FCHO2: variants seen among roughly 807,000 people sequenced by gnomAD.
FCHO2 encodes the protein F-BAR domain only protein 2.
FCHO2 carries 43 observed loss-of-function variants against 114.1 expected under a neutral mutation model. The observed-to-expected ratio is 0.38, with a 90% CI of 0.30 to 0.49. The LOEUF (loss-of-function observed/expected upper bound fraction) is 0.49, where lower values mean the gene tolerates loss of function less well. Among genes scored for constraint, FCHO2 ranks in the 20% least tolerant of loss-of-function variants. The probability of loss-of-function intolerance (pLI) is 0.97; values close to 1 mark genes in which losing one functional copy is unlikely to be tolerated. For missense variants in FCHO2, 807 were observed against 950.4 expected, an observed-to-expected ratio of 0.85 and a Z score of 1.98; for synonymous variants, 293 against 315.2, an observed-to-expected ratio of 0.93 and a Z score of 0.75.
intron 6 of FCHO2, among the ~76,000 whole-genome samples, 161 bp downstream of exon 6, chr5:73,006,710 T>G (rs1754738772): frequency 1.3e-5 from 2 of 152,292 alleles, no homozygotes; most frequent in Admixed American, 1.3e-4. Flanking sequence ...TTTTGGAGAT[T>G]GAGGACCAAG....
At chr5:73,037,905 C>T in intron 10 of FCHO2, 1 of 307,746 alleles carries the variant, frequency 3.2e-6, no homozygotes, top group South Asian at 2.4e-5. Flanking sequence ...AATTACGGCG[C>T]CCACCACCAC....
chr5:72,993,810 T>G (rs1038571292), intron 5 of FCHO2, among the ~76,000 whole-genome samples: 2 of 152,206 alleles, frequency 1.3e-5, no homozygotes, highest in African/African-American at 4.8e-5. Context: ...ATCAAGTGCT[T>G]GGAAGAAAAC....
At chr5:73,076,519 C>G (rs906822484) in intron 20 of FCHO2, among the ~76,000 whole-genome samples, 1 of 151,922 alleles carries the variant, frequency 6.6e-6, no homozygotes, top group Non-Finnish European at 1.5e-5. Context: ...ACAGGACTTG[C>G]AGAAAAAAGA....
At chr5:72,983,359 C>A (rs1753333114) in intron 2 of FCHO2, among the ~76,000 whole-genome samples, 1 of 151,914 alleles carries the variant, frequency 6.6e-6, no homozygotes, top group Non-Finnish European at 1.5e-5. Flanking sequence ...TGCTATCCCT[C>A]CCCTAGCTTT....
At chr5:73,068,014 G>A (rs1742441921) in intron 18 of FCHO2, among the ~76,000 whole-genome samples, 2 of 151,954 alleles carry the variant, frequency 1.3e-5, no homozygotes, top group African/African-American at 2.4e-5. Context: ...TTCTGAGTGA[G>A]GAAGCATTAC....
At chr5:73,015,005 G>A (rs929629137) in intron 6 of FCHO2, among the ~76,000 whole-genome samples, 2 of 150,268 alleles carry the variant, frequency 1.3e-5, no homozygotes, top group South Asian at 4.3e-4. Context: ...GAACCTGGGA[G>A]GCGGAGCTTC....
At chr5:72,976,784 C>G (rs1354942467) in intron 2 of FCHO2, among the ~76,000 whole-genome samples, 1 of 149,908 alleles carries the variant, frequency 6.7e-6, no homozygotes, top group African/African-American at 2.5e-5. Flanking sequence ...CCCCCCAGCC[C>G]CCAACCCCCA....
Position 73,044,550 on chromosome 5 carries a change from A to G in FCHO2, c.939+3235A>G, listed in dbSNP as rs546617076. 1.2e-4 allele frequency among the ~76,000 whole-genome samples: 19 copies of G among 152,314 alleles called. 1 individual carries two copies. In the South Asian group the frequency reaches 3.7e-3, roughly 30 times the overall value. ...TTTTTTAAAACATCAATAGGCTATC[A>G]TGGTAGGGAAATTATTGTTCATTTC... On this transcript the variant is annotated intron_variant, in intron 11 of 25. Coordinates refer to ENST00000430046, the MANE Select transcript of FCHO2 (RefSeq NM_138782.3).
chr5:73,086,570 C>T (rs1433425401), intron 24 of FCHO2, among the ~76,000 whole-genome samples: 1 of 152,204 alleles, frequency 6.6e-6, no homozygotes, highest in African/African-American at 2.4e-5. Flanking sequence ...AAATAACTTT[C>T]TTAATATCTT....
rs1743383512 is a variant in FCHO2, at chr5:73,088,515, G to C, written c.*425G>C. 1 of 174,394 alleles carries C rather than the reference G, an allele frequency of 5.7e-6. No homozygotes were observed. The highest frequency in any genetic ancestry group is 5.7e-5 in the Admixed American group (1 of 17,632). 10.8% of individuals were successfully genotyped at this position (174,394 alleles called of 1,614,324 possible). A position where few individuals can be genotyped will look rare whatever the true frequency, so the allele number is the denominator to read the frequency against. ...AATTTCATAAGTTTGATATTCAGTG[G>C]ATACAAATAGAACATGAATTCTAAG... On this transcript the variant is annotated 3_prime_UTR_variant, in exon 26 of 26. Coordinates refer to ENST00000430046, the MANE Select transcript of FCHO2 (RefSeq NM_138782.3).
chr5:73,051,818 C>T (rs140904756), intron 12 of FCHO2, among the ~76,000 whole-genome samples: 15 of 152,282 alleles, frequency 9.9e-5, no homozygotes, highest in Middle Eastern at 3.4e-3. Context: ...GAACCACCTG[C>T]GTTGGCCTCC....
intron 6 of FCHO2, among the ~76,000 whole-genome samples, chr5:73,011,793 C>T (rs1004931437): frequency 3.9e-5 from 6 of 152,010 alleles, no homozygotes; most frequent in African/African-American, 1.5e-4. Flanking sequence ...CGCCTGTAAT[C>T]CTAGCTGCGT....
At chr5:73,047,848 T>G (rs1231387617) in intron 11 of FCHO2, among the ~76,000 whole-genome samples, 6 of 152,160 alleles carry the variant, frequency 3.9e-5, no homozygotes, top group Admixed American at 3.3e-4. Flanking sequence ...ATTTATTTAT[T>G]TATTTCGAGA....
At chr5:72,989,903 C>A (rs1753732647) in intron 3 of FCHO2, among the ~76,000 whole-genome samples, 4 of 151,804 alleles carry the variant, frequency 2.6e-5, no homozygotes, top group Admixed American at 2.0e-4. Context: ...AAAATGTCTC[C>A]TGTGATTTTA....
intron 10 of FCHO2, chr5:73,037,793 G>A (rs1756597913): frequency 3.2e-6 from 1 of 314,634 alleles, no homozygotes; most frequent in Non-Finnish European, 6.2e-6. Context: ...TTTCACTGTT[G>A]TTGCCCAGGT....
At chr5:72,989,766 T>A (rs772325442) in intron 3 of FCHO2, among the ~76,000 whole-genome samples, 1 of 152,290 alleles carries the variant, frequency 6.6e-6, no homozygotes, top group Non-Finnish European at 1.5e-5. Flanking sequence ...ATAAATGTTA[T>A]CTTATGCACA....
chr5:73,002,466 T>G (rs897830357), intron 5 of FCHO2, among the ~76,000 whole-genome samples: 72 of 152,242 alleles, frequency 4.7e-4, no homozygotes, highest in Non-Finnish European at 1.0e-3. Context: ...AAATTTCTTG[T>G]TAGTGAGAAG....
chr5:73,020,806 A>G (rs1309409033), intron 8 of FCHO2: 6 of 930,642 alleles, frequency 6.4e-6, no homozygotes, highest in Non-Finnish European at 1.1e-5. Context: ...AGCCTCTTGA[A>G]TGGTCCTGTC....
chr5:73,035,261 A>C (rs1312879511), intron 9 of FCHO2, among the ~76,000 whole-genome samples: 3 of 152,022 alleles, frequency 2.0e-5, no homozygotes, highest in Non-Finnish European at 4.4e-5. Flanking sequence ...CTACAAAAAA[A>C]CTTTTAAAAT....
Sources: gnomAD v4.1 joint callset for allele counts (sites outside exome capture counted in the v4.1 genomes callset) on GRCh38, gnomAD v4.1.1 for gene constraint, MANE v1.5 for transcripts, NCBI Gene and HGNC (gene_info 2026-07-23, HGNC 2026-07-21) for gene names.